Variants in ACTL8 observed in about 807,000 individuals in gnomAD.
The protein encoded by ACTL8 is actin-like protein 8.
Under a neutral mutation model 9.3 loss-of-function variants are expected in ACTL8, and 3 were observed. The ratio of observed to expected loss-of-function variants is 0.32; its 90% CI spans 0.15 to 0.83. The LOEUF is 0.83. Ranked by LOEUF, ACTL8 falls within the 40% of genes least tolerant of loss-of-function variation. ACTL8 has a pLI of 0.57. For synonymous variants in ACTL8, 224 were observed against 205.9 expected (o/e 1.09, Z -0.75); for missense variants, 381 against 492.2 (o/e 0.77, Z 2.14).
At chr1:17,805,377 C>CTTTTTCTTTTTTT in intron 1 of ACTL8, among the ~76,000 whole-genome samples, 1 of 100,198 alleles carries the variant, frequency 1.0e-5, no homozygotes, top group Non-Finnish European at 2.0e-5. Flanking sequence ...TTTTCTTTTT[C>CTTTTTCTTTTTTT]TTTTTTTTTT....
chr1:17,793,429 C>T (rs1166354197), intron 1 of ACTL8, among the ~76,000 whole-genome samples: 1 of 152,196 alleles, frequency 6.6e-6, no homozygotes, highest in Admixed American at 6.5e-5. Context: ...ATATGGTTTT[C>T]ATTTTTCCAC....
chr1:17,806,121 C>T (rs531301258), intron 1 of ACTL8, among the ~76,000 whole-genome samples: 35 of 152,244 alleles, frequency 2.3e-4, no homozygotes, highest in African/African-American at 6.7e-4. Context: ...GGATGTCGAG[C>T]GATTAATTTT....
At chr1:17,760,673 T>C (rs2065994423) in intron 1 of ACTL8, among the ~76,000 whole-genome samples, 1 of 152,164 alleles carries the variant, frequency 6.6e-6, no homozygotes, top group Non-Finnish European at 1.5e-5. Flanking sequence ...CAGCTGCCCG[T>C]TGCTGTGCAG....
At chr1:17,765,151 G>A (rs968449152) in intron 1 of ACTL8, among the ~76,000 whole-genome samples, 2 of 152,206 alleles carry the variant, frequency 1.3e-5, no homozygotes, top group African/African-American at 2.4e-5. Flanking sequence ...AGCGATCACC[G>A]GGTCTGGGGC....
chr1:17,760,722 AGAG>A (rs760047447), intron 1 of ACTL8, among the ~76,000 whole-genome samples: 2 of 75,790 alleles, frequency 2.6e-5, no homozygotes, highest in South Asian at 3.3e-4. Flanking sequence ...GGCATCCCTC[AGAG>A]GAGTGGGTGG....
chr1:17,783,783 G>T (rs1011463295), intron 1 of ACTL8, among the ~76,000 whole-genome samples: 1 of 152,220 alleles, frequency 6.6e-6, no homozygotes, highest in African/African-American at 2.4e-5. Flanking sequence ...AGCTCCACTG[G>T]CCTACAATTC....
chr1:17,785,719 T>A (rs557199053), intron 1 of ACTL8, among the ~76,000 whole-genome samples: 1 of 152,228 alleles, frequency 6.6e-6, no homozygotes, highest in African/African-American at 2.4e-5. Flanking sequence ...TTAGTATCTT[T>A]TTTTCACTCC....
intron 1 of ACTL8, among the ~76,000 whole-genome samples, chr1:17,819,855 A>T (rs560995051): frequency 1.3e-5 from 2 of 152,000 alleles, no homozygotes; most frequent in South Asian, 4.2e-4. Context: ...GTTGCCTAGG[A>T]AAATTAGCTG....
intron 1 of ACTL8, among the ~76,000 whole-genome samples, chr1:17,765,367 C>G (rs1018152874): frequency 2.6e-5 from 4 of 152,206 alleles, no homozygotes; most frequent in African/African-American, 9.7e-5. Context: ...CACTGTCCCC[C>G]ACTCCTTGCC....
intron 1 of ACTL8, among the ~76,000 whole-genome samples, chr1:17,808,125 A>G (rs2066370586): frequency 6.6e-6 from 1 of 152,212 alleles, no homozygotes; most frequent in Non-Finnish European, 1.5e-5. Flanking sequence ...TGCTAAGTGG[A>G]AAGTTCCTTG....
At chr1:17,762,244 C>T (rs957085504) in intron 1 of ACTL8, among the ~76,000 whole-genome samples, 2 of 151,858 alleles carry the variant, frequency 1.3e-5, no homozygotes, top group Admixed American at 6.6e-5. Flanking sequence ...ATATAGGGCT[C>T]CGGGGCCTGA....
intron 1 of ACTL8, among the ~76,000 whole-genome samples, chr1:17,799,201 A>G (rs1296357885): frequency 1.3e-5 from 2 of 152,222 alleles, no homozygotes; most frequent in African/African-American, 4.8e-5. Flanking sequence ...CCGTGTTCCC[A>G]GATGCCTTTC....
In ACTL8 at chr1:17,762,550, C is replaced by T. The variant is rs772248050; in HGVS notation, c.-25+7046C>T. On this transcript the variant is annotated intron_variant, in intron 1 of 2. Coordinates refer to ENST00000375406, the MANE Select transcript of ACTL8 (RefSeq NM_030812.3). ...TCACCTCCAGGCAGGTAGGTCTCAC[C>T]GTGGGTCCCTTTCTCTCGGCCAGGC... 3.3e-5 allele frequency among the ~76,000 whole-genome samples: 5 copies of T among 152,262 alleles called. 1 individual carries two copies. In the South Asian group the frequency reaches 8.3e-4, roughly 25 times the overall value.
At chr1:17,810,786 TG>T (rs1281877342) in intron 1 of ACTL8, among the ~76,000 whole-genome samples, 7 of 152,262 alleles carry the variant, frequency 4.6e-5, no homozygotes, top group African/African-American at 1.4e-4. Flanking sequence ...GTTTATTTCA[TG>T]TAGCATAGTA....
At chr1:17,799,794 G>A (rs1054156735) in intron 1 of ACTL8, among the ~76,000 whole-genome samples, 9 of 152,082 alleles carry the variant, frequency 5.9e-5, no homozygotes, top group East Asian at 1.9e-4. Flanking sequence ...ACACAACCTC[G>A]TTTTTCTCTG....
At position 17,802,420 on chromosome 1, in the gene ACTL8, C is replaced by CATGCGTGT. The variant is rs1201258574; in HGVS notation, c.-24-20565_-24-20564insATGCGTGT. On this transcript the variant is annotated intron_variant, in intron 1 of 2. Transcript: ENST00000375406. ...GAACAGCAGATCCCGGATGACTGTG[C>CATGCGTGT]GTGCGTGTGTGTGTGTGTGTGTGTG... Among the ~76,000 whole-genome samples the CATGCGTGT allele has an allele frequency of 2.4e-5, 3 of 126,336 alleles. 1 individual carries two copies. Among genetic ancestry groups the CATGCGTGT allele is most frequent in the Admixed American group, 1.6e-4 (2 of 12,460 alleles). The allele number at this position is 126,336 out of a possible 152,430, so 82.9% of individuals were successfully genotyped here.
At chr1:17,800,575 G>T (rs2066313544) in intron 1 of ACTL8, among the ~76,000 whole-genome samples, 1 of 138,408 alleles carries the variant, frequency 7.2e-6, no homozygotes, top group African/African-American at 3.0e-5. Flanking sequence ...CCTTGCCTTG[G>T]TGTCAATCTT....
intron 1 of ACTL8, among the ~76,000 whole-genome samples, chr1:17,793,370 G>A (rs1163011534): frequency 1.3e-5 from 2 of 152,208 alleles, no homozygotes; most frequent in Non-Finnish European, 2.9e-5. Context: ...GGTTTTATCT[G>A]CGCAGCTAGT....
Position 17,823,335 on chromosome 1 carries a change from G to C in ACTL8, c.327G>C (p.Ala109=). The C allele has an allele frequency of 6.2e-7, 1 of 1,613,204 alleles. No homozygotes were observed. The highest frequency in any genetic ancestry group is 8.5e-7 in the Non-Finnish European group (1 of 1,179,604). Residue 109 remains alanine (A), a synonymous_variant, in exon 2 of 3, where the codon GCG becomes GCC. Coordinates refer to ENST00000375406, the MANE Select transcript of ACTL8 (RefSeq NM_030812.3). This position sits in a 1 kb window ranked among gnomAD's most constrained non-coding sequence, Gnocchi z 5.3. ...IITETPLREP[A]DRKKMLEILF... is the part of the protein sequence containing the mutation. ...CGGAGACACCCTTGAGGGAGCCTGC[G>C]GACCGAAAGAAGATGCTGGAGGTGA...
Sources: allele counts gnomAD v4.1 joint callset (sites outside exome capture counted in the v4.1 genomes callset), GRCh38; gene constraint gnomAD v4.1.1; non-coding constraint Gnocchi (gnomAD v3.1); transcripts MANE v1.5; gene names NCBI Gene and HGNC (gene_info 2026-07-23, HGNC 2026-07-21).